The following FGD2 variants were observed in gnomAD, a reference collection of about 807,000 sequenced individuals.
FGD2 encodes the protein FYVE, RhoGEF and PH domain-containing protein 2.
Under a neutral mutation model 75.9 loss-of-function variants are expected in FGD2, and 52 were observed. That is an observed-to-expected ratio of 0.69 (90% CI 0.55 to 0.86). The LOEUF is 0.86. Ranked by LOEUF, FGD2 falls within the 40% of genes least tolerant of loss-of-function variation. FGD2 has a pLI of 0.00. For missense variants in FGD2, 790 were observed against 872.0 expected, an observed-to-expected ratio of 0.91 and a Z score of 1.18; for synonymous variants, 347 against 348.6, an observed-to-expected ratio of 1.00 and a Z score of 0.05.
intron 1 of FGD2, among the ~76,000 whole-genome samples, chr6:37,008,539 C>CT (rs1393039466): frequency 7.2e-5 from 11 of 152,272 alleles, no homozygotes; most frequent in African/African-American, 2.6e-4. Context: ...TCAAAAACCC[C>CT]TATATACAGA....
intron 13 of FGD2, 75 bp downstream of exon 13, chr6:37,022,445 C>A: frequency 6.7e-7 from 1 of 1,485,870 alleles, no homozygotes; most frequent in Non-Finnish European, 8.9e-7. Flanking sequence ...AGGCCTCCAC[C>A]TTTCCTACCT....
intron 9 of FGD2, among the ~76,000 whole-genome samples, chr6:37,016,896 A>G (rs540542234): frequency 1.3e-5 from 2 of 152,218 alleles, no homozygotes; most frequent in East Asian, 1.9e-4. Flanking sequence ...GATTATACAC[A>G]TTCTAAAGTC....
In FGD2 at chr6:37,025,887, T is replaced by C; in HGVS notation, c.1554T>C (p.Thr518=). The C allele has an allele frequency of 6.2e-7, 1 of 1,614,042 alleles. No homozygotes were observed. The highest frequency in any genetic ancestry group is 8.5e-7 in the Non-Finnish European group (1 of 1,179,978). The change falls in exon 14 of 16, where the codon ACT becomes ACC. Residue 518 remains threonine (T), a synonymous_variant. Transcript: ENST00000274963. ...GCCTCCACTGCTACGCATTCCTCAC[T>C]GGAAATGTGCTGCCTGAGGCCAAGG... The part of the protein sequence containing the change: ...RVCLHCYAFL[T]GNVLPEAKED...
At chr6:37,008,363 G>A (rs1388755308) in intron 1 of FGD2, among the ~76,000 whole-genome samples, 1 of 152,142 alleles carries the variant, frequency 6.6e-6, no homozygotes, top group Non-Finnish European at 1.5e-5. Context: ...CCTGCTTCTG[G>A]ACGTGTGGAG....
intron 9 of FGD2, among the ~76,000 whole-genome samples, chr6:37,017,736 G>A (rs922448049): frequency 2.6e-5 from 4 of 152,144 alleles, no homozygotes; most frequent in Admixed American, 1.3e-4. Flanking sequence ...GCTGCAGGCA[G>A]GAGTTGAACC....
chr6:37,007,837 G>GCACA (rs1764824334), intron 1 of FGD2, among the ~76,000 whole-genome samples: 1 of 152,296 alleles, frequency 6.6e-6, no homozygotes, highest in South Asian at 2.1e-4. Context: ...GGGAGGGGTG[G>GCACA]GAGAGCCTGG....
At position 37,027,455 on chromosome 6, in the gene FGD2, G is replaced by C. The variant is rs773558698; in HGVS notation, c.1632G>C (p.Gln544His). 6.2e-7 allele frequency: 1 copy of C among 1,613,270 alleles called. No homozygotes were observed. Among genetic ancestry groups the C allele is most frequent in the Admixed American group, 1.7e-5 (1 of 59,964 alleles). ...AAGGGTCCTCAGCCACGCCTGACCA[G>C]AGCCTGATGTGCAGCTTCCTGCAGC... ...LEKGSSATPD[Q>H]SLMCSFLQLI... is the part of the protein sequence containing the mutation. The change falls in exon 15 of 16, where the codon CAG becomes CAC. Residue 544 changes from glutamine (Q) to histidine (H), a missense_variant. Physicochemically the swap from Gln to His is conservative, Grantham distance 24 (BLOSUM62 0). Coordinates refer to ENST00000274963, the MANE Select transcript of FGD2 (RefSeq NM_173558.4).
rs201414065 is a variant in FGD2 at position 37,011,729 on chromosome 6, G to A, written c.402G>A (p.Lys134=). ...AGGTGTTTTTCCAGGAGCTGCTGAA[G>A]ACAGCCCGCAGCAGCAAGGCCTTCC... ...LDQVFFQELL[K]TARSSKAFPE... Residue 134 remains lysine (K), a synonymous_variant, in exon 4 of 16, where the codon AAG becomes AAA. Coordinates refer to ENST00000274963, the MANE Select transcript of FGD2 (RefSeq NM_173558.4). The A allele has an allele frequency of 1.5e-5, 24 of 1,614,170 alleles. No homozygotes were observed. The East Asian group carries it at 5.3e-4, about 36-fold the overall frequency.
At chr6:37,019,642 G>C (rs919612028) in intron 9 of FGD2, among the ~76,000 whole-genome samples, 3 of 152,138 alleles carry the variant, frequency 2.0e-5, no homozygotes, top group Non-Finnish European at 4.4e-5. Flanking sequence ...CAGGACTCTG[G>C]GGGTAGGATG....
chr6:37,011,017 G>A lies in FGD2; in HGVS notation c.345G>A (p.Gln115=), dbSNP rs781305341. 10 of 1,614,026 alleles carry A rather than the reference G, an allele frequency of 6.2e-6. No individual in the cohort carries two copies. Among genetic ancestry groups the A allele is most frequent in the Admixed American group, 1.7e-5 (1 of 60,000 alleles). The change falls in exon 3 of 16, where the codon CAG becomes CAA. Residue 115 remains glutamine (Q), a synonymous_variant. Coordinates refer to ENST00000274963, the MANE Select transcript of FGD2 (RefSeq NM_173558.4). ...TCCAGGAGCTGCTGGAGACAGAGCAGGCCTATGTGGCGCGCCTCCACCTGC... is the reference window on the plus strand; with the variant it reads ...TCCAGGAGCTGCTGGAGACAGAGCAAGCCTATGTGGCGCGCCTCCACCTGC... ...KIVQELLETE[Q]AYVARLHLLD... is the part of the protein sequence containing the mutation.
At chr6:37,022,114 C>A in intron 12 of FGD2, 125 bp from the exon 13 acceptor site, 1 of 1,338,576 alleles carries the variant, frequency 7.5e-7, no homozygotes, top group Non-Finnish European at 1.0e-6. Flanking sequence ...CTGTAGAAGC[C>A]CCAGGGAAGC....
Position 37,014,649 on chromosome 6 carries a change from C to A in FGD2, c.827C>A (p.Ala276Asp). The stretch of plus-strand genomic sequence containing the variant: ...ACTCCGGCCCTGCCCCTTTCAGAAG[C>A]CCTGGACATGATCTTCTCAGCTGCC... The part of the protein sequence containing the change: ...QAPDQADAQK[A>D]LDMIFSAAQH... The change falls in exon 7 of 16, where the codon GCC (alanine) becomes GAC (aspartate). Residue 276 changes from alanine (A) to aspartate (D), a missense_variant. Transcript: ENST00000274963. 6.2e-7 allele frequency: 1 copy of A among 1,613,886 alleles called. No homozygotes were observed. Among genetic ancestry groups the A allele is most frequent in the African/African-American group, 1.3e-5 (1 of 75,038 alleles).
Position 37,017,380 on chromosome 6 carries a change from C to A in FGD2, c.1122+1520C>A, listed in dbSNP as rs753035. On this transcript the variant is annotated intron_variant, in intron 9 of 15. Transcript: ENST00000274963. ...TGAGAAAACCAAGGCCCTAGAAAAC[C>A]TTTCTAACTTAAATAACTTGCTTGA... Among the ~76,000 whole-genome samples the A allele has an allele frequency of 2.3e-3, 343 of 152,312 alleles. 5 individuals are homozygous for A. The highest frequency in any genetic ancestry group is 0.018 in the Admixed American group (270 of 15,300).
chr6:37,011,555 C>T lies in FGD2; in HGVS notation c.379-151C>T, dbSNP rs1481912845. The T allele has an allele frequency of 7.5e-6, 8 of 1,069,316 alleles. No individual in the cohort carries two copies. In the East Asian group the frequency reaches 1.9e-4, roughly 26 times the overall value. The allele number at this position is 1,069,316 out of a possible 1,614,324, so 66.2% of individuals were successfully genotyped here. On this transcript the variant is annotated intron_variant, in intron 3 of 15. Coordinates refer to ENST00000274963, the MANE Select transcript of FGD2 (RefSeq NM_173558.4). ...GTAAAGTGGCCAGAACACAACCTCC[C>T]CTGCCTTCTTTTCCCGGGGTTGCTG... is the stretch of plus-strand genomic sequence containing the variant.
intron 8 of FGD2, among the ~76,000 whole-genome samples, chr6:37,015,502 A>G (rs972025496): frequency 6.6e-6 from 1 of 152,190 alleles, no homozygotes; most frequent in Non-Finnish European, 1.5e-5. Context: ...CTGTTGAGAA[A>G]GGCCTTGTAG....
chr6:37,014,895 C>A lies in FGD2; in HGVS notation c.886C>A (p.Arg296=). 1 of 1,613,444 alleles carries A rather than the reference C, an allele frequency of 6.2e-7. No homozygotes were observed. The highest frequency in any genetic ancestry group is 8.5e-7 in the Non-Finnish European group (1 of 1,179,628). Residue 296 remains arginine (R), a synonymous_variant, in exon 8 of 16, where the codon CGG becomes AGG. Coordinates refer to ENST00000274963, the MANE Select transcript of FGD2 (RefSeq NM_173558.4). ...HSNAAITEME[R]LQDLWEVYQR... Reference sequence around the variant, plus strand: ...AGGATGCACCCCAACCCCCTAGGAGCGGCTGCAGGACCTGTGGGAGGTGTA... The same window carrying A: ...AGGATGCACCCCAACCCCCTAGGAGAGGCTGCAGGACCTGTGGGAGGTGTA...
intron 8 of FGD2, 46 bp downstream of exon 8, chr6:37,015,084 C>A (rs1765218085): frequency 6.3e-7 from 1 of 1,591,628 alleles, no homozygotes; most frequent in Admixed American, 1.7e-5. Flanking sequence ...GAGGGAAGTC[C>A]ATGGGCCACT....
At chr6:37,012,029 G>A (rs1765035541) in intron 4 of FGD2, 175 bp downstream of exon 4, 4 of 659,124 alleles carry the variant, frequency 6.1e-6, no homozygotes, top group Non-Finnish European at 9.8e-6. Flanking sequence ...TGAGCTCTGA[G>A]AGGCTGTGTG....
chr6:37,028,080 A>G lies in FGD2; in HGVS notation c.1885A>G (p.Lys629Glu). 1.2e-6 allele frequency: 2 copies of G among 1,613,648 alleles called. No individual in the cohort carries two copies. Among genetic ancestry groups the G allele is most frequent in the Non-Finnish European group, 1.7e-6 (2 of 1,179,996 alleles). Residue 629 changes from lysine to glutamate, a missense_variant, in exon 16 of 16, where the codon AAG becomes GAG. Physicochemically the swap from Lys to Glu is moderately conservative, Grantham distance 56. Transcript: ENST00000274963. The stretch of plus-strand genomic sequence containing the variant: ...CTTCAAGGCCGAGACGGAGGAGCTG[A>G]AGGGCCGCTGGGTGAAGGCCATGGA... ...YTFKAETEELKGRWVKAMERA... is the reference protein window; with the variant it reads ...YTFKAETEELEGRWVKAMERA...
Sources: allele counts gnomAD v4.1 joint callset (sites outside exome capture counted in the v4.1 genomes callset), GRCh38; gene constraint gnomAD v4.1.1; transcripts MANE v1.5; gene names NCBI Gene and HGNC (gene_info 2026-07-23, HGNC 2026-07-21).